HPCAL1: variants seen among roughly 807,000 people sequenced by gnomAD.
HPCAL1 encodes the protein hippocalcin-like protein 1.
Under a neutral mutation model 17.1 loss-of-function variants are expected in HPCAL1, and 8 were observed. The ratio of observed to expected loss-of-function variants is 0.47; its 90% CI spans 0.27 to 0.84. The LOEUF is 0.84. Among genes scored for constraint, HPCAL1 ranks in the 40% least tolerant of loss-of-function variants. The pLI is 0.13. For synonymous variants in HPCAL1, 112 were observed against 111.4 expected, an observed-to-expected ratio of 1.01 and a Z score of -0.03; for missense variants, 165 against 271.1, an observed-to-expected ratio of 0.61 and a Z score of 2.75.
chr2:10,317,472 C>T (rs986955241), intron 1 of HPCAL1, among the ~76,000 whole-genome samples: 8 of 150,094 alleles, frequency 5.3e-5, no homozygotes, highest in African/African-American at 4.9e-5. Context: ...GGCTGGAGTG[C>T]AGTGGCGTGA....
chr2:10,351,680 G>T (rs944880840), intron 1 of HPCAL1, among the ~76,000 whole-genome samples: 25 of 152,042 alleles, frequency 1.6e-4, no homozygotes, highest in African/African-American at 5.3e-4. Flanking sequence ...GATTGTTTGA[G>T]CCCAGGAGGT....
At chr2:10,422,905 C>A in intron 3 of HPCAL1, 78 bp from the exon 4 acceptor site, 1 of 997,590 alleles carries the variant, frequency 1.0e-6, no homozygotes, top group Non-Finnish European at 1.6e-6. Flanking sequence ...TTGTTGTGGG[C>A]TGGGCGGAAG....
rs1662880908 is a variant in HPCAL1, at chr2:10,310,405, C to T, written c.-111+7228C>T. 6.6e-6 allele frequency among the ~76,000 whole-genome samples: 1 copy of T among 152,094 alleles called. No individual in the cohort carries two copies. Among genetic ancestry groups the T allele is most frequent in the African/African-American group, 2.4e-5 (1 of 41,418 alleles). ...TGAGTACAGAATTCCTTTTCAAATT[C>T]GGGCTTATGAGGCATGTTTTGATCC... is the stretch of plus-strand genomic sequence containing the variant. On this transcript the variant is annotated intron_variant, in intron 1 of 4. Coordinates refer to ENST00000307845, the MANE Select transcript of HPCAL1 (RefSeq NM_002149.4). This position sits in a 1 kb window ranked among gnomAD's most constrained non-coding sequence, Gnocchi z 4.5.
At chr2:10,311,935 A>G (rs1050016851) in intron 1 of HPCAL1, among the ~76,000 whole-genome samples, 8 of 150,396 alleles carry the variant, frequency 5.3e-5, no homozygotes, top group South Asian at 2.1e-4. Context: ...ATCACCATTC[A>G]TCATCACTGT....
At chr2:10,406,947 T>C (rs1670011046) in intron 2 of HPCAL1, among the ~76,000 whole-genome samples, 1 of 152,148 alleles carries the variant, frequency 6.6e-6, no homozygotes, top group Non-Finnish European at 1.5e-5. Context: ...TCCGTTTCAC[T>C]CACCTCCCTT....
rs1662480874 is a variant in HPCAL1, at chr2:10,304,402, C to A, written c.-111+1225C>A. 6.6e-6 allele frequency among the ~76,000 whole-genome samples: 1 copy of A among 150,638 alleles called. No individual in the cohort carries two copies. Among genetic ancestry groups the A allele is most frequent in the African/African-American group, 2.4e-5 (1 of 40,840 alleles). The stretch of plus-strand genomic sequence containing the variant: ...CCGGCCGCCAAAGGCCACCCCTTTC[C>A]TCCTGGCTGACCCCAATTCCACCAG... On this transcript the variant is annotated intron_variant, in intron 1 of 4. Transcript: ENST00000307845. The surrounding 1 kb of genome is among the most constrained non-coding windows in gnomAD (Gnocchi z 4.1).
rs930861498 is a variant in HPCAL1, at chr2:10,419,422, C to G, written c.-24-312C>G. Among the ~76,000 whole-genome samples the G allele has an allele frequency of 1.3e-5, 2 of 152,172 alleles. No homozygotes were observed. Among genetic ancestry groups the G allele is most frequent in the Non-Finnish European group, 2.9e-5 (2 of 68,040 alleles). On this transcript the variant is annotated intron_variant, in intron 2 of 4. Coordinates refer to ENST00000307845, the MANE Select transcript of HPCAL1 (RefSeq NM_002149.4). The surrounding 1 kb of genome is among the most constrained non-coding windows in gnomAD (Gnocchi z 5.0). The stretch of plus-strand genomic sequence containing the variant: ...AGAACTGATTTTAATCTTCGCCTCT[C>G]GTACAACCCCTGGTGGGCACCGGAT...
chr2:10,365,035 G>C lies in HPCAL1; in HGVS notation c.-110-31800G>C, dbSNP rs1481628575. Reference sequence around the variant, plus strand: ...AGGTGCCACCAGGTGTGTGTGTCCTGATGCCTTTGGCCACCAGCCTCAAAA... The same window carrying C: ...AGGTGCCACCAGGTGTGTGTGTCCTCATGCCTTTGGCCACCAGCCTCAAAA... On this transcript the variant is annotated intron_variant, in intron 1 of 4. Transcript: ENST00000307845. This position sits in a 1 kb window ranked among gnomAD's most constrained non-coding sequence, Gnocchi z 4.8. Among the ~76,000 whole-genome samples the C allele has an allele frequency of 6.6e-6, 1 of 152,176 alleles. No homozygotes were observed. The highest frequency in any genetic ancestry group is 1.9e-4 in the East Asian group (1 of 5,188).
chr2:10,314,128 C>T (rs764906298), intron 1 of HPCAL1, among the ~76,000 whole-genome samples: 6 of 149,254 alleles, frequency 4.0e-5, no homozygotes, highest in Admixed American at 6.7e-5. Flanking sequence ...AGCAAGACTC[C>T]GTCTCAGGGA....
intron 1 of HPCAL1, among the ~76,000 whole-genome samples, chr2:10,321,164 C>G (rs528815711): frequency 1.3e-5 from 2 of 152,130 alleles, no homozygotes; most frequent in Admixed American, 6.6e-5. Context: ...GACGGGGGAG[C>G]AGGCACGTCA....
intron 1 of HPCAL1, 71 bp downstream of exon 1, chr2:10,303,248 A>T (rs1269130844): frequency 6.6e-6 from 1 of 152,132 alleles, no homozygotes; most frequent in Non-Finnish European, 1.5e-5. Context: ...CGGCGTGTGC[A>T]CCGGCGAGCG....
At chr2:10,370,244 C>T (rs1354028549) in intron 1 of HPCAL1, among the ~76,000 whole-genome samples, 7 of 152,356 alleles carry the variant, frequency 4.6e-5, no homozygotes, top group East Asian at 1.9e-4. Context: ...ATCGAATTCC[C>T]GTCAGTCGTG....
chr2:10,347,770 G>A (rs1240489867), intron 1 of HPCAL1, among the ~76,000 whole-genome samples: 1 of 152,190 alleles, frequency 6.6e-6, no homozygotes, highest in Non-Finnish European at 1.5e-5. Context: ...CTGGCACGGA[G>A]TATGGGCCAA....
At chr2:10,390,061 G>A (rs762465246) in intron 1 of HPCAL1, among the ~76,000 whole-genome samples, 1 of 152,248 alleles carries the variant, frequency 6.6e-6, no homozygotes, top group Non-Finnish European at 1.5e-5. Flanking sequence ...GTAAGACATT[G>A]CACATTCTCT....
chr2:10,347,239 C>T (rs188631956), intron 1 of HPCAL1, among the ~76,000 whole-genome samples: 3 of 152,198 alleles, frequency 2.0e-5, no homozygotes, highest in East Asian at 3.9e-4. Flanking sequence ...CTCCTTCCGT[C>T]GTTGGCTTGG....
chr2:10,426,645 T>G, intron 4 of HPCAL1, 79 bp from the exon 5 acceptor site: 1 of 1,150,310 alleles, frequency 8.7e-7, no homozygotes, highest in South Asian at 1.2e-5. Context: ...ATACCTGACC[T>G]GAGAGCTGTC....
chr2:10,316,649 A>G (rs890084604), intron 1 of HPCAL1, among the ~76,000 whole-genome samples: 5 of 152,218 alleles, frequency 3.3e-5, no homozygotes, highest in Non-Finnish European at 5.9e-5. Context: ...GCCATCAGAA[A>G]AATTGGCTAA....
chr2:10,330,780 A>C lies in HPCAL1; in HGVS notation c.-111+27603A>C, dbSNP rs1259346643. ...TAGGGGTTTTGTGGGGGACACACTC[A>C]GTCCACGTTAACTCACTTCCTGCCC... On this transcript the variant is annotated intron_variant, in intron 1 of 4. Coordinates refer to ENST00000307845, the MANE Select transcript of HPCAL1 (RefSeq NM_002149.4). This position sits in a 1 kb window ranked among gnomAD's most constrained non-coding sequence, Gnocchi z 4.2. Among the ~76,000 whole-genome samples, 1 of 152,224 alleles carries C rather than the reference A, an allele frequency of 6.6e-6. No individual in the cohort carries two copies. The highest frequency in any genetic ancestry group is 2.4e-5 in the African/African-American group (1 of 41,470).
At chr2:10,423,693 C>T (rs768192626) in intron 4 of HPCAL1, 41 of 153,002 alleles carry the variant, frequency 2.7e-4, no homozygotes, top group Non-Finnish European at 5.8e-4. Context: ...GAGGTGAGGG[C>T]GGCTGTGCGG....
Sources: gnomAD v4.1 joint callset for allele counts (sites outside exome capture counted in the v4.1 genomes callset) on GRCh38, gnomAD v4.1.1 for gene constraint, Gnocchi (gnomAD v3.1) non-coding constraint, MANE v1.5 for transcripts, NCBI Gene and HGNC (gene_info 2026-07-23, HGNC 2026-07-21) for gene names.